Variants in OR10A3 observed in about 807,000 individuals in gnomAD.
OR10A3 encodes the protein olfactory receptor 10A3.
In OR10A3, 1 loss-of-function variant was observed where a neutral mutation model predicts 1.5. The ratio of observed to expected loss-of-function variants is 0.66; its 90% CI spans 0.23 to 3.11. OR10A3 has a LOEUF of 3.11. Among genes scored for constraint, OR10A3 ranks in the 30% most tolerant of loss-of-function variants. The pLI is 0.21. For synonymous variants in OR10A3, 145 were observed against 143.7 expected, an observed-to-expected ratio of 1.01 and a Z score of -0.06; for missense variants, 398 against 369.7, an observed-to-expected ratio of 1.08 and a Z score of -0.63.
In OR10A3 at chr11:7,937,835, A is replaced by C. The variant is rs1389995301; in HGVS notation, c.*741T>G. Reference sequence around the variant, plus strand: ...CCAAAGCACAGTGAGCCTTCAGGCCAGTCTGAAGAACTATAATCATTTTGA... The same window carrying C: ...CCAAAGCACAGTGAGCCTTCAGGCCCGTCTGAAGAACTATAATCATTTTGA... On this transcript the variant is annotated 3_prime_UTR_variant, in exon 2 of 2. Coordinates refer to ENST00000642047, the MANE Select transcript of OR10A3 (RefSeq NM_001003745.2). 6.6e-6 allele frequency: 1 copy of C among 152,234 alleles called. No homozygotes were observed. Among genetic ancestry groups the C allele is most frequent in the East Asian group, 1.9e-4 (1 of 5,204 alleles). The allele number at this position is 152,234 out of a possible 1,614,324, so 9.4% of individuals were successfully genotyped here. A position where few individuals can be genotyped will look rare whatever the true frequency, so the allele number is the denominator to read the frequency against.
In OR10A3 at chr11:7,938,596, C is replaced by A. The variant is rs771169024; in HGVS notation, c.925G>T (p.Val309Leu). ...CACAATCAGAATGTGTGTAAAATCA[C>A]TTTTCTTCGCCATAGTTTTATCAAA... ...RTLIKLWRRK[V>L]ILHTF is the part of the protein sequence containing the mutation. Residue 309 changes from valine (V) to leucine (L), a missense_variant, in exon 2 of 2, where the codon GTG becomes TTG. Transcript: ENST00000642047. 6.2e-7 allele frequency: 1 copy of A among 1,611,702 alleles called. No homozygotes were observed. Among genetic ancestry groups the A allele is most frequent in the South Asian group, 1.1e-5 (1 of 90,494 alleles).
Position 7,939,488 on chromosome 11 carries a change from T to A in OR10A3, c.33A>T (p.Glu11Asp), listed in dbSNP as rs780792462. The change falls in exon 2 of 2, where the codon GAA becomes GAT. Residue 11 changes from glutamate (E) to aspartate (D), a missense_variant. Glu to Asp is a conservative substitution (Grantham distance 45, BLOSUM62 2). Transcript: ENST00000642047. MKRQNQSCVV[E>D]FILLGFSNFP... Reference sequence around the variant, plus strand: ...AGTTAGAAAAGCCCAGGAGGATGAATTCAACCACACAGCTTTGATTTTGTC... The same window carrying A: ...AGTTAGAAAAGCCCAGGAGGATGAAATCAACCACACAGCTTTGATTTTGTC... 1 of 1,580,728 alleles carries A rather than the reference T, an allele frequency of 6.3e-7. No individual in the cohort carries two copies. Among genetic ancestry groups the A allele is most frequent in the Non-Finnish European group, 8.5e-7 (1 of 1,170,320 alleles).
rs749434414 is a variant in OR10A3 at position 7,939,438 on chromosome 11, A to G, written c.83T>C (p.Phe28Ser). The change falls in exon 2 of 2, where the codon TTT (phenylalanine) becomes TCT (serine). Residue 28 changes from phenylalanine to serine, a missense_variant. Physicochemically the swap from Phe to Ser is radical, Grantham distance 155. Coordinates refer to ENST00000642047, the MANE Select transcript of OR10A3 (RefSeq NM_001003745.2). ...CACATAAATAACTAGGAAAACCCCAAAGAGCTGCACCTGGAGCTCAGGAAA... is the reference window on the plus strand; with the variant it reads ...CACATAAATAACTAGGAAAACCCCAGAGAGCTGCACCTGGAGCTCAGGAAA... Reference protein sequence around the residue: ...SNFPELQVQLFGVFLVIYVVT... With the variant: ...SNFPELQVQLSGVFLVIYVVT... 8 of 1,612,844 alleles carry G rather than the reference A, an allele frequency of 5.0e-6. No individual in the cohort carries two copies. The Admixed American group carries it at 1.2e-4, about 24-fold the overall frequency.
Position 7,937,501 on chromosome 11 carries a change from C to CA in OR10A3, c.*1074dup, listed in dbSNP as rs1235175747. The CA allele has an allele frequency of 2.0e-5, 3 of 152,078 alleles. No homozygotes were observed. Among genetic ancestry groups the CA allele is most frequent in the African/African-American group, 7.2e-5 (3 of 41,388 alleles). 9.4% of individuals were successfully genotyped at this position (152,078 alleles called of 1,614,324 possible). A position where few individuals can be genotyped will look rare whatever the true frequency, so the allele number is the denominator to read the frequency against. On this transcript the variant is annotated 3_prime_UTR_variant, in exon 2 of 2. Transcript: ENST00000642047. ...GATTTTACTTTCCTGTCACAGACTA[C>CA]AAAAGGAAACTTCATAAAAGTTTCT...
At position 7,938,534 on chromosome 11, in the gene OR10A3, C is replaced by T; in HGVS notation, c.*42G>A. The T allele has an allele frequency of 7.0e-7, 1 of 1,420,064 alleles. No individual in the cohort carries two copies. Among genetic ancestry groups the T allele is most frequent in the Middle Eastern group, 1.8e-4 (1 of 5,486 alleles). The allele number at this position is 1,420,064 out of a possible 1,614,324, so 88.0% of individuals were successfully genotyped here. A position where few individuals can be genotyped will look rare whatever the true frequency, so the allele number is the denominator to read the frequency against. Reference sequence around the variant, plus strand: ...CCCTTTATTAAATTTAAATAGAGTTCACTCAGGCAGTGGCCAAATCTTACT... The same window carrying T: ...CCCTTTATTAAATTTAAATAGAGTTTACTCAGGCAGTGGCCAAATCTTACT... On this transcript the variant is annotated 3_prime_UTR_variant, in exon 2 of 2. Transcript: ENST00000642047.
At position 7,938,779 on chromosome 11, in the gene OR10A3, C is replaced by T. The variant is rs1417378581; in HGVS notation, c.742G>A (p.Val248Met). The change falls in exon 2 of 2, where the codon GTG (valine) becomes ATG (methionine). Residue 248 changes from valine to methionine, a missense_variant. By Grantham distance (21) the Val-to-Met change is conservative. Transcript: ENST00000642047. ...FSTCASHLTS[V>M]TLFYGTANMT... ...TTGGCTGTGCCATAGAACAGGGTCA[C>T]AGATGTGAGGTGAGAGGCACAGGTG... The T allele has an allele frequency of 6.2e-7, 1 of 1,614,062 alleles. No homozygotes were observed. Among genetic ancestry groups the T allele is most frequent in the Non-Finnish European group, 8.5e-7 (1 of 1,180,036 alleles).
chr11:7,940,187 G>A (rs114378230), intron 1 of OR10A3, among the ~76,000 whole-genome samples: 1,863 of 152,280 alleles, frequency 0.012, 37 homozygotes, highest in African/African-American at 0.041. Flanking sequence ...AAGGGAACAT[G>A]GAGTAGTGGT....
At chr11:7,939,789 C>G (rs1941417932) in intron 1 of OR10A3, 91 bp from the exon 2 acceptor site, 1 of 382,418 alleles carries the variant, frequency 2.6e-6, no homozygotes, top group African/African-American at 2.1e-5. Flanking sequence ...CTGGCAACAT[C>G]TTTGTTTTGT....
In OR10A3 at chr11:7,938,812, C is replaced by T; in HGVS notation, c.709G>A (p.Ala237Thr). The T allele has an allele frequency of 1.9e-6, 3 of 1,614,068 alleles. No homozygotes were observed. Among genetic ancestry groups the T allele is most frequent in the South Asian group, 2.2e-5 (2 of 91,074 alleles). ...KMPSTTGRQK[A>T]FSTCASHLTS... ...AGGTGAGAGGCACAGGTGGAAAAGG[C>T]CTTTTGTCTCCCAGTAGTTGATGGC... The change falls in exon 2 of 2, where the codon GCC becomes ACC. Residue 237 changes from alanine (A) to threonine (T), a missense_variant. Ala to Thr is a moderately conservative substitution (Grantham distance 58). Coordinates refer to ENST00000642047, the MANE Select transcript of OR10A3 (RefSeq NM_001003745.2).
At chr11:7,940,783 G>A (rs1425071649) in intron 1 of OR10A3, among the ~76,000 whole-genome samples, 6 of 152,166 alleles carry the variant, frequency 3.9e-5, no homozygotes, top group Admixed American at 3.9e-4. Context: ...AGGAGAAAAA[G>A]CATAAGGAGG....
In OR10A3 at chr11:7,939,327, T is replaced by C; in HGVS notation, c.194A>G (p.Asn65Ser). The change falls in exon 2 of 2, where the codon AAC becomes AGC. Residue 65 changes from asparagine to serine, a missense_variant. Physicochemically the swap from Asn to Ser is conservative, Grantham distance 46. Transcript: ENST00000642047. ...LHVPMYLFLLNLSVVEVSFSA... is the reference protein window; with the variant it reads ...LHVPMYLFLLSLSVVEVSFSA... ...GAAACTCACCTCCACCACAGATAGG[T>C]TCAGGAGGAACAGGTACATGGGAAC... 1 of 1,613,988 alleles carries C rather than the reference T, an allele frequency of 6.2e-7. No individual in the cohort carries two copies. Among genetic ancestry groups the C allele is most frequent in the African/African-American group, 1.3e-5 (1 of 74,992 alleles).
In OR10A3 at chr11:7,938,230, G is replaced by A. The variant is rs917025476; in HGVS notation, c.*346C>T. 2.2e-5 allele frequency: 4 copies of A among 179,854 alleles called. No individual in the cohort carries two copies. Among genetic ancestry groups the A allele is most frequent in the Non-Finnish European group, 3.4e-5 (3 of 87,050 alleles). 11.1% of individuals were successfully genotyped at this position (179,854 alleles called of 1,614,324 possible). A position where few individuals can be genotyped will look rare whatever the true frequency, so the allele number is the denominator to read the frequency against. On this transcript the variant is annotated 3_prime_UTR_variant, in exon 2 of 2. Transcript: ENST00000642047. ...GAGGCAGGAGAATTGCTAGAACCCAGGAGGTGGAGGTTGCAGTGAGCCCAG... is the reference window on the plus strand; with the variant it reads ...GAGGCAGGAGAATTGCTAGAACCCAAGAGGTGGAGGTTGCAGTGAGCCCAG...
chr11:7,939,555 C>T lies in OR10A3; in HGVS notation c.-35G>A. ...TGAAACTTATATTGTTTTTATGGAC[C>T]TGGTATATCGAGTATGAAGTCGTAA... On this transcript the variant is annotated 5_prime_UTR_variant, in exon 2 of 2. Coordinates refer to ENST00000642047, the MANE Select transcript of OR10A3 (RefSeq NM_001003745.2). 3 of 1,472,708 alleles carry T rather than the reference C, an allele frequency of 2.0e-6. No homozygotes were observed. The highest frequency in any genetic ancestry group is 2.7e-6 in the Non-Finnish European group (3 of 1,092,254). 91.2% of individuals were successfully genotyped at this position (1,472,708 alleles called of 1,614,324 possible). A position where few individuals can be genotyped will look rare whatever the true frequency, so the allele number is the denominator to read the frequency against.
Position 7,938,981 on chromosome 11 carries a change from C to T in OR10A3, c.540G>A (p.Glu180=), listed in dbSNP as rs1554907431. The T allele has an allele frequency of 6.2e-7, 1 of 1,614,160 alleles. No individual in the cohort carries two copies. The highest frequency in any genetic ancestry group is 8.5e-7 in the Non-Finnish European group (1 of 1,180,016). Reference sequence around the variant, plus strand: ...ACACAAGCTCTAGTACCGGGGGAGTCTCACAGAAGAGATGATTAATTTCAT... The same window carrying T: ...ACACAAGCTCTAGTACCGGGGGAGTTTCACAGAAGAGATGATTAATTTCAT... The part of the protein sequence containing the change: ...GPNEINHLFC[E]TPPVLELVCA... Residue 180 remains glutamate (E), a synonymous_variant, in exon 2 of 2, where the codon GAG becomes GAA. Transcript: ENST00000642047.
intron 1 of OR10A3, among the ~76,000 whole-genome samples, chr11:7,940,613 G>A (rs554243080): frequency 1.3e-5 from 2 of 150,992 alleles, no homozygotes; most frequent in South Asian, 2.1e-4. Flanking sequence ...CCCCTTATCA[G>A]TAAAATACAA....
In OR10A3 at chr11:7,938,794, A is replaced by C. The variant is rs751573379; in HGVS notation, c.727T>G (p.Ser243Ala). 1.2e-6 allele frequency: 2 copies of C among 1,614,214 alleles called. No homozygotes were observed. Among genetic ancestry groups the C allele is most frequent in the Admixed American group, 1.7e-5 (1 of 60,034 alleles). The change falls in exon 2 of 2, where the codon TCT becomes GCT. Residue 243 changes from serine (S) to alanine (A), a missense_variant. Ser to Ala is a moderately conservative substitution (Grantham distance 99). Coordinates refer to ENST00000642047, the MANE Select transcript of OR10A3 (RefSeq NM_001003745.2). ...GRQKAFSTCA[S>A]HLTSVTLFYG... ...AACAGGGTCACAGATGTGAGGTGAG[A>C]GGCACAGGTGGAAAAGGCCTTTTGT...
rs1400641410 is a variant in OR10A3 at position 7,938,703 on chromosome 11, AG to A, written c.817del (p.Leu273Ter). 6.2e-7 allele frequency: 1 copy of A among 1,614,210 alleles called. No individual in the cohort carries two copies. Among genetic ancestry groups the A allele is most frequent in the Admixed American group, 1.7e-5 (1 of 60,026 alleles). ...AAGCAACGTGTAAGCCAATGAGATC[AG>A]TTTCTTGGTTTCGGGTGAGTAGCCA... The part of the protein sequence containing the change: ...KSGYSPETKK[L>X]ISLAYTLLTP... On this transcript the variant is annotated frameshift_variant, in exon 2 of 2. Coordinates refer to ENST00000642047, the MANE Select transcript of OR10A3 (RefSeq NM_001003745.2). LOFTEE classifies it high-confidence loss of function.
chr11:7,939,766 C>G, intron 1 of OR10A3, 68 bp from the exon 2 acceptor site: 2 of 436,146 alleles, frequency 4.6e-6, no homozygotes, highest in Non-Finnish European at 8.0e-6. Flanking sequence ...TACAAAATAA[C>G]AGTAAATGTT....
chr11:7,938,502 G>T lies in OR10A3; in HGVS notation c.*74C>A. The T allele has an allele frequency of 8.4e-7, 1 of 1,190,350 alleles. No homozygotes were observed. The highest frequency in any genetic ancestry group is 1.5e-5 in the South Asian group (1 of 64,780). 73.7% of individuals were successfully genotyped at this position (1,190,350 alleles called of 1,614,324 possible). On this transcript the variant is annotated 3_prime_UTR_variant, in exon 2 of 2. Transcript: ENST00000642047. ...CATAGTCATACAAAAAATGCAGTCT[G>T]TTTTCACCCTTTATTAAATTTAAAT...
Sources: allele counts gnomAD v4.1 joint callset (sites outside exome capture counted in the v4.1 genomes callset), GRCh38; gene constraint gnomAD v4.1.1; transcripts MANE v1.5; gene names NCBI Gene and HGNC (gene_info 2026-07-23, HGNC 2026-07-21).